The following GRAMD4 variants were observed in gnomAD, a reference collection of about 807,000 sequenced individuals.
GRAMD4 encodes the protein GRAM domain-containing protein 4.
GRAMD4 carries 25 observed loss-of-function variants against 83.9 expected under a neutral mutation model. That is an observed-to-expected ratio of 0.30 (90% CI 0.22 to 0.42). The LOEUF (loss-of-function observed/expected upper bound fraction) is 0.42, where lower values mean the gene tolerates loss of function less well. GRAMD4 is among the 10% of genes least tolerant of loss of function. The pLI is 1.00. For missense variants in GRAMD4, 593 were observed against 788.7 expected (o/e 0.75, Z 2.97); for synonymous variants, 336 against 320.9 (o/e 1.05, Z -0.50).
intron 1 of GRAMD4, among the ~76,000 whole-genome samples, chr22:46,623,014 T>C (rs1419039476): frequency 2.0e-5 from 3 of 151,836 alleles, no homozygotes; most frequent in African/African-American, 4.8e-5. Flanking sequence ...TAGGGAGGCA[T>C]TTTAGGAGAT....
intron 17 of GRAMD4, among the ~76,000 whole-genome samples, chr22:46,676,096 C>T (rs1419501824): frequency 2.6e-5 from 4 of 152,220 alleles, no homozygotes; most frequent in Admixed American, 2.0e-4. Context: ...CTCCCAGCTC[C>T]GAGCGTCCTG....
intron 3 of GRAMD4, among the ~76,000 whole-genome samples, chr22:46,656,462 G>A (rs1160236075): frequency 1.3e-5 from 2 of 152,218 alleles, no homozygotes; most frequent in African/African-American, 2.4e-5. Context: ...GTTTCTGTAC[G>A]GCTACTCCTG....
chr22:46,635,705 ACCCCTGACCACTCCTGTCCTGGGGGC>A (rs2081871282), intron 2 of GRAMD4, among the ~76,000 whole-genome samples: 2 of 49,620 alleles, frequency 4.0e-5, no homozygotes, highest in African/African-American at 2.7e-4. Flanking sequence ...CCTGCTCCCC[ACCCCTGACCACTCCTGTCCTGGGGGC>A]CCGTGTCCTC....
intron 1 of GRAMD4, among the ~76,000 whole-genome samples, chr22:46,601,663 GCATGTGC>G (rs2081313775): frequency 6.6e-6 from 1 of 152,030 alleles, no homozygotes; most frequent in Admixed American, 6.6e-5. Context: ...AGACATGTTG[GCATGTGC>G]CTGTGATCCC....
intron 1 of GRAMD4, among the ~76,000 whole-genome samples, chr22:46,595,437 G>A (rs146295971): frequency 2.2e-4 from 34 of 152,374 alleles, no homozygotes; most frequent in African/African-American, 7.9e-4. Flanking sequence ...TGCAGCCCAT[G>A]GGCCTGGCCC....
At position 46,679,715 on chromosome 22, in the gene GRAMD4, G is replaced by A; in HGVS notation, c.*2464G>A. ...TGTAACATTTTTTTAAGAAAACTTT[G>A]TTTGTTTAAAGAAAAAGTATTGTAT... On this transcript the variant is annotated 3_prime_UTR_variant, in exon 19 of 19. Transcript: ENST00000406902. 2 of 970,956 alleles carry A rather than the reference G, an allele frequency of 2.1e-6. No individual in the cohort carries two copies. Among genetic ancestry groups the A allele is most frequent in the Non-Finnish European group, 2.4e-6 (2 of 816,662 alleles). 60.1% of individuals were successfully genotyped at this position (970,956 alleles called of 1,614,324 possible). A position where few individuals can be genotyped will look rare whatever the true frequency, so the allele number is the denominator to read the frequency against.
In GRAMD4 at chr22:46,623,068, G is replaced by A. The variant is rs147386288; in HGVS notation, c.-50+2503G>A. On this transcript the variant is annotated intron_variant, in intron 1 of 18. Coordinates refer to ENST00000406902, the MANE Select transcript of GRAMD4 (RefSeq NM_015124.5). ...ACGACCACCGTAAGCCCATACTCCCGACGTCTGGCCCCATAGCGCCCGAGT... is the reference window on the plus strand; with the variant it reads ...ACGACCACCGTAAGCCCATACTCCCAACGTCTGGCCCCATAGCGCCCGAGT... Among the ~76,000 whole-genome samples the A allele has an allele frequency of 5.1e-3, 780 of 152,248 alleles. 4 individuals carry two copies. The highest frequency in any genetic ancestry group is 0.011 in the Admixed American group (161 of 15,294).
At position 46,668,821 on chromosome 22, in the gene GRAMD4, G is replaced by A. The variant is rs1284412906; in HGVS notation, c.997G>A (p.Glu333Lys). ...IKNLFMWVQPEITQKLYVALW... is the reference protein window; with the variant it reads ...IKNLFMWVQPKITQKLYVALW... Reference sequence around the variant, plus strand: ...CAGCTTGTTCATGTGGGTCCAGCCGGAGATCACACAGAAGCTGTATGTGGC... The same window carrying A: ...CAGCTTGTTCATGTGGGTCCAGCCGAAGATCACACAGAAGCTGTATGTGGC... Residue 333 changes from glutamate to lysine, a missense_variant, in exon 13 of 19, where the codon GAG becomes AAG. Glu to Lys is a moderately conservative substitution (Grantham distance 56). Coordinates refer to ENST00000406902, the MANE Select transcript of GRAMD4 (RefSeq NM_015124.5). The A allele has an allele frequency of 6.2e-7, 1 of 1,612,102 alleles. No individual in the cohort carries two copies. The highest frequency in any genetic ancestry group is 1.3e-5 in the African/African-American group (1 of 74,700).
chr22:46,586,376 C>T (rs1384452780), intron 1 of GRAMD4, among the ~76,000 whole-genome samples: 1 of 151,936 alleles, frequency 6.6e-6, no homozygotes, highest in Non-Finnish European at 1.5e-5. Flanking sequence ...GTGCGATGGT[C>T]GGAGGCATTT....
chr22:46,674,585 T>C (rs2082566295), intron 15 of GRAMD4, 72 bp from the exon 16 acceptor site: 1 of 1,048,396 alleles, frequency 9.5e-7, no homozygotes, highest in South Asian at 1.3e-5. Flanking sequence ...GTCAGGCTCC[T>C]GGGTCCCAGC....
At chr22:46,657,199 G>T (rs1402448510) in intron 3 of GRAMD4, among the ~76,000 whole-genome samples, 1 of 152,216 alleles carries the variant, frequency 6.6e-6, no homozygotes, top group Admixed American at 6.5e-5. Context: ...GGTCTTGTCA[G>T]TGGCCCAGGC....
At chr22:46,657,613 C>T (rs1188980724) in intron 3 of GRAMD4, among the ~76,000 whole-genome samples, 1 of 152,226 alleles carries the variant, frequency 6.6e-6, no homozygotes, top group Non-Finnish European at 1.5e-5. Flanking sequence ...GTGTTCCCTC[C>T]AGGCCTTGAC....
intron 17 of GRAMD4, among the ~76,000 whole-genome samples, chr22:46,675,759 G>A (rs1038208562): frequency 2.3e-4 from 35 of 152,156 alleles, no homozygotes; most frequent in African/African-American, 7.2e-4. Flanking sequence ...TGCCTGGACC[G>A]TGTGTCTCAA....
At chr22:46,643,050 T>TCCAC (rs1440077988) in intron 3 of GRAMD4, among the ~76,000 whole-genome samples, 2 of 147,644 alleles carry the variant, frequency 1.4e-5, no homozygotes, top group East Asian at 4.0e-4. Context: ...CATCCGTCCA[T>TCCAC]CCACCCACCT....
In GRAMD4 at chr22:46,601,787, C is replaced by A. The variant is rs1052883127; in HGVS notation, c.-50+24497C>A. On this transcript the variant is annotated intron_variant, in intron 1 of 1. Coordinates refer to the GRAMD4 transcript ENST00000431155. ...CTCCAGCCTGGGTGACAGAGCAAGACCTTGTCTCTAAAAAACTTTTTTTTT... is the reference window on the plus strand; with the variant it reads ...CTCCAGCCTGGGTGACAGAGCAAGAACTTGTCTCTAAAAAACTTTTTTTTT... Among the ~76,000 whole-genome samples, 4 of 152,130 alleles carry A rather than the reference C, an allele frequency of 2.6e-5. No individual in the cohort carries two copies. The South Asian group carries it at 6.2e-4, about 24-fold the overall frequency.
intron 4 of GRAMD4, among the ~76,000 whole-genome samples, chr22:46,660,998 C>T (rs952680067): frequency 1.3e-5 from 2 of 152,160 alleles, no homozygotes; most frequent in Admixed American, 6.5e-5. Flanking sequence ...AGGTGGCACC[C>T]AGCCTGTGGC....
At chr22:46,627,365 C>T (rs545312697) in intron 2 of GRAMD4, among the ~76,000 whole-genome samples, 78 of 152,348 alleles carry the variant, frequency 5.1e-4, no homozygotes, top group African/African-American at 1.8e-3. Flanking sequence ...TTCCAGCCCC[C>T]AAAGCTGGCT....
chr22:46,644,273 C>T (rs1601622220), intron 3 of GRAMD4, among the ~76,000 whole-genome samples: 2 of 152,188 alleles, frequency 1.3e-5, no homozygotes, highest in African/African-American at 2.4e-5. Flanking sequence ...TACATCTGTC[C>T]CTGTTCCATG....
chr22:46,648,539 G>A (rs1221193952), intron 3 of GRAMD4, among the ~76,000 whole-genome samples: 1 of 151,770 alleles, frequency 6.6e-6, no homozygotes, highest in Non-Finnish European at 1.5e-5. Flanking sequence ...GTGGGTGAAT[G>A]GGAGAAGGGA....
Sources: gnomAD v4.1 joint callset for allele counts (sites outside exome capture counted in the v4.1 genomes callset) on GRCh38, gnomAD v4.1.1 for gene constraint, MANE v1.5 for transcripts, NCBI Gene and HGNC (gene_info 2026-07-23, HGNC 2026-07-21) for gene names.